SYN3: variants seen among roughly 807,000 people sequenced by gnomAD.
SYN3 encodes synapsin-3.
A neutral mutation model predicts 65.8 loss-of-function variants in SYN3; 35 were observed. The ratio of observed to expected loss-of-function variants is 0.53; its 90% CI spans 0.41 to 0.70. The LOEUF is 0.70. SYN3 is among the 30% of genes least tolerant of loss of function. The probability of loss-of-function intolerance (pLI) is 0.00; values close to 1 mark genes in which losing one functional copy is unlikely to be tolerated. For synonymous variants in SYN3, 270 were observed against 292.9 expected (o/e 0.92, Z 0.80); for missense variants, 680 against 749.0 (o/e 0.91, Z 1.08).
intron 8 of SYN3, among the ~76,000 whole-genome samples, chr22:32,540,884 AT>A (rs758250400): frequency 2.0e-5 from 3 of 152,176 alleles, no homozygotes; most frequent in Non-Finnish European, 2.9e-5. Flanking sequence ...GGGCAGATTC[AT>A]TTACCAGTAG....
At chr22:32,601,175 T>C (rs570488758) in intron 6 of SYN3, among the ~76,000 whole-genome samples, 7 of 152,242 alleles carry the variant, frequency 4.6e-5, no homozygotes, top group Non-Finnish European at 1.0e-4. Flanking sequence ...TAGCAAAATC[T>C]GAGAATGTTT....
chr22:32,817,973 T>G (rs998735768), intron 6 of SYN3, among the ~76,000 whole-genome samples: 2 of 152,212 alleles, frequency 1.3e-5, no homozygotes, highest in African/African-American at 4.8e-5. Context: ...GGAGCACCTT[T>G]GGGATTCTGA....
Position 32,822,929 on chromosome 22 carries a change from C to A in SYN3, c.711+41986G>T, listed in dbSNP as rs67427215. On this transcript the variant is annotated intron_variant, in intron 6 of 13. Coordinates refer to ENST00000358763, the MANE Select transcript of SYN3 (RefSeq NM_003490.4). ...TTAAAAACAACAACAACAACAACAA[C>A]AAAAAAAAAACAGAGAGAGAGAGAT... Among the ~76,000 whole-genome samples the A allele has an allele frequency of 3.1e-3, 79 of 25,332 alleles. No individual in the cohort carries two copies. In the East Asian group the frequency reaches 0.048, roughly 15 times the overall value. The allele number at this position is 25,332 out of a possible 152,430, so 16.6% of individuals were successfully genotyped here.
chr22:32,984,271 A>G (rs892246505), intron 2 of SYN3, among the ~76,000 whole-genome samples: 3 of 151,966 alleles, frequency 2.0e-5, no homozygotes, highest in Middle Eastern at 6.8e-3. Flanking sequence ...GACCTTAAAG[A>G]CTCAGAATGT....
chr22:32,769,454 C>T (rs940862444), intron 6 of SYN3, among the ~76,000 whole-genome samples: 2 of 151,968 alleles, frequency 1.3e-5, no homozygotes, highest in Non-Finnish European at 2.9e-5. Flanking sequence ...TCTTGATTCT[C>T]ATCAGCTGAG....
intron 6 of SYN3, among the ~76,000 whole-genome samples, chr22:32,609,480 T>G (rs2059412969): frequency 6.6e-6 from 1 of 151,334 alleles, no homozygotes; most frequent in Admixed American, 6.6e-5. Flanking sequence ...CCTGGTGTTT[T>G]TTTTTTTTTT....
intron 7 of SYN3, among the ~76,000 whole-genome samples, chr22:32,574,873 G>A (rs1324791928): frequency 6.6e-6 from 1 of 152,176 alleles, no homozygotes; most frequent in Non-Finnish European, 1.5e-5. Flanking sequence ...AAATTATTTT[G>A]TATTAATAGT....
intron 11 of SYN3, among the ~76,000 whole-genome samples, chr22:32,528,308 G>C (rs977445779): frequency 2.0e-5 from 3 of 152,122 alleles, no homozygotes; most frequent in Non-Finnish European, 4.4e-5. Context: ...TACTTTCTGT[G>C]GGGAAATCTG....
chr22:32,602,703 G>T (rs996722662), intron 6 of SYN3, among the ~76,000 whole-genome samples: 26 of 152,204 alleles, frequency 1.7e-4, no homozygotes, highest in African/African-American at 6.3e-4. Flanking sequence ...CTTGTGATCC[G>T]CTTGCCTCGG....
intron 4 of SYN3, among the ~76,000 whole-genome samples, chr22:32,892,632 T>G (rs1306064511): frequency 6.6e-6 from 1 of 152,158 alleles, no homozygotes; most frequent in Non-Finnish European, 1.5e-5. Context: ...TTTAAAGAGG[T>G]GATCTAGGAA....
At chr22:32,882,526 T>G (rs932210495) in intron 4 of SYN3, among the ~76,000 whole-genome samples, 2 of 152,172 alleles carry the variant, frequency 1.3e-5, no homozygotes, top group African/African-American at 4.8e-5. Context: ...TTACCTTAAT[T>G]GATCCTGACA....
intron 6 of SYN3, among the ~76,000 whole-genome samples, chr22:32,634,120 T>C (rs140171259): frequency 4.6e-4 from 70 of 152,340 alleles, no homozygotes; most frequent in African/African-American, 1.7e-3. Flanking sequence ...GATCACTTTA[T>C]ATGTATACGT....
chr22:32,721,548 T>C (rs1046178201), intron 6 of SYN3, among the ~76,000 whole-genome samples: 1 of 152,240 alleles, frequency 6.6e-6, no homozygotes, highest in African/African-American at 2.4e-5. Context: ...ATTTTATCAA[T>C]GGGCAAATTG....
At chr22:33,012,350 T>C (rs1276475781) in intron 1 of SYN3, among the ~76,000 whole-genome samples, 1 of 152,262 alleles carries the variant, frequency 6.6e-6, no homozygotes, top group East Asian at 1.9e-4. Context: ...ATATAATTCA[T>C]TTGTGATTCT....
intron 6 of SYN3, among the ~76,000 whole-genome samples, chr22:32,713,758 G>C (rs373348859): frequency 1.3e-5 from 2 of 151,494 alleles, no homozygotes; most frequent in Non-Finnish European, 2.9e-5. Flanking sequence ...GTGAACCCGG[G>C]AGGCAACGCT....
chr22:32,691,379 A>G (rs1468802143), intron 6 of SYN3, among the ~76,000 whole-genome samples: 3 of 152,176 alleles, frequency 2.0e-5, no homozygotes, highest in South Asian at 2.1e-4. Context: ...TTCCCTTAGC[A>G]GGTGGATCTG....
chr22:32,990,387 C>CCCAT (rs1197278336), intron 2 of SYN3, among the ~76,000 whole-genome samples: 1 of 137,940 alleles, frequency 7.2e-6, no homozygotes, highest in South Asian at 2.4e-4. Flanking sequence ...CATCCATCCA[C>CCCAT]CCATCCATCC....
At chr22:32,704,085 G>T (rs2060847080) in intron 6 of SYN3, among the ~76,000 whole-genome samples, 1 of 151,984 alleles carries the variant, frequency 6.6e-6, no homozygotes, top group African/African-American at 2.4e-5. Flanking sequence ...AGACTTTTAG[G>T]TTCAGGGGTA....
intron 6 of SYN3, among the ~76,000 whole-genome samples, chr22:32,687,977 A>T (rs1436237762): frequency 1.3e-5 from 2 of 152,082 alleles, no homozygotes. Flanking sequence ...TTCAGTCATC[A>T]ACTACCCTTA....
Sources: allele counts gnomAD v4.1 joint callset (sites outside exome capture counted in the v4.1 genomes callset), GRCh38; gene constraint gnomAD v4.1.1; transcripts MANE v1.5; gene names NCBI Gene and HGNC (gene_info 2026-07-23, HGNC 2026-07-21).